Variants in INVS observed in about 807,000 individuals in gnomAD.
INVS encodes inversion of embryo turning homolog.
In INVS, 86 loss-of-function variants were observed where a neutral mutation model predicts 108.8. The observed-to-expected ratio is 0.79, with a 90% CI of 0.66 to 0.95. INVS has a LOEUF of 0.95. INVS is among the 40% of genes least tolerant of loss of function. The pLI is 0.00. For missense variants in INVS, 1,169 were observed against 1,297.4 expected (o/e 0.90, Z 1.52); for synonymous variants, 455 against 473.5 (o/e 0.96, Z 0.51).
intron 3 of INVS, among the ~76,000 whole-genome samples, chr9:100,200,026 G>T (rs931939761): frequency 1.3e-5 from 2 of 151,862 alleles, no homozygotes; most frequent in African/African-American, 4.8e-5. Context: ...TATTTCTGTT[G>T]ATCTAAACTG....
chr9:100,253,571 C>G (rs760798867), intron 10 of INVS, among the ~76,000 whole-genome samples: 8 of 152,106 alleles, frequency 5.3e-5, no homozygotes, highest in Non-Finnish European at 1.0e-4. Flanking sequence ...CTGCTTCCCC[C>G]ATCCCACACC....
chr9:100,259,347 A>C (rs1474773473), intron 10 of INVS, among the ~76,000 whole-genome samples: 1 of 151,920 alleles, frequency 6.6e-6, no homozygotes, highest in Non-Finnish European at 1.5e-5. Flanking sequence ...AGAAAAAGGG[A>C]ATTCCCCGAC....
chr9:100,134,454 A>G (rs1014266013), intron 3 of INVS, among the ~76,000 whole-genome samples: 3 of 152,202 alleles, frequency 2.0e-5, no homozygotes, highest in African/African-American at 4.8e-5. Context: ...CTCTGGGTAG[A>G]TACCGAGTAA....
intron 3 of INVS, among the ~76,000 whole-genome samples, chr9:100,132,257 GAATGAA>G (rs1431688815): frequency 1.0e-4 from 14 of 136,858 alleles, no homozygotes; most frequent in Admixed American, 3.5e-4. Context: ...ATGAATGAAT[GAATGAA>G]TCAGTAAATG....
intron 2 of INVS, chr9:100,117,277 G>T: frequency 1.4e-6 from 1 of 738,384 alleles, no homozygotes. Context: ...TGGTGCTCTG[G>T]CCAGCACGGG....
At chr9:100,297,230 G>C in intron 15 of INVS, 84 bp downstream of exon 15, 1 of 1,077,330 alleles carries the variant, frequency 9.3e-7, no homozygotes, top group Non-Finnish European at 1.4e-6. Flanking sequence ...TAATTACATT[G>C]GGTAAACTTC....
chr9:100,111,907 C>T (rs1827347508), intron 2 of INVS, among the ~76,000 whole-genome samples: 1 of 152,128 alleles, frequency 6.6e-6, no homozygotes, highest in South Asian at 2.1e-4. Context: ...CCACTGTCCC[C>T]CTAGAGCTAC....
intron 3 of INVS, among the ~76,000 whole-genome samples, chr9:100,146,401 C>T (rs918466797): frequency 5.3e-5 from 8 of 152,294 alleles, no homozygotes; most frequent in African/African-American, 7.2e-5. Flanking sequence ...AAGGCAAGAA[C>T]AGGCCATTTT....
At chr9:100,108,497 T>G (rs1827244829) in intron 2 of INVS, among the ~76,000 whole-genome samples, 1 of 152,248 alleles carries the variant, frequency 6.6e-6, no homozygotes, top group Admixed American at 6.5e-5. Context: ...ATGTAATTTT[T>G]TTTCTATGCA....
intron 14 of INVS, among the ~76,000 whole-genome samples, chr9:100,294,179 TA>T (rs1833717303): frequency 6.6e-6 from 1 of 151,552 alleles, no homozygotes; most frequent in South Asian, 2.1e-4. Flanking sequence ...AGAAAAGAAA[TA>T]GGTGGAAGTT....
chr9:100,200,136 A>G (rs76135416), intron 3 of INVS, among the ~76,000 whole-genome samples: 2,311 of 152,088 alleles, frequency 0.015, 47 homozygotes, highest in Non-Finnish European at 0.019. Context: ...GGAACTTCCA[A>G]TTGTTTCTTT....
At chr9:100,242,911 G>A (rs1177741093) in intron 7 of INVS, among the ~76,000 whole-genome samples, 1 of 152,060 alleles carries the variant, frequency 6.6e-6, no homozygotes, top group Non-Finnish European at 1.5e-5. Flanking sequence ...ACAGGAAATT[G>A]ACATTGATAC....
rs558315299 is a variant in INVS at position 100,208,440 on chromosome 9, A to G, written c.274-17622A>G. Among the ~76,000 whole-genome samples, 12 of 152,272 alleles carry G rather than the reference A, an allele frequency of 7.9e-5. No individual in the cohort carries two copies. In the South Asian group the frequency reaches 8.3e-4, roughly 11 times the overall value. On this transcript the variant is annotated intron_variant, in intron 3 of 16. Transcript: ENST00000262457. ...CGAATTTACTTACACATTTGTCTGT[A>G]TATTTGTCTTTTCCCACCATCTAAG...
chr9:100,165,672 A>G (rs1485835716), intron 3 of INVS, among the ~76,000 whole-genome samples: 1 of 152,116 alleles, frequency 6.6e-6, no homozygotes, highest in African/African-American at 2.4e-5. Flanking sequence ...TAACATATTT[A>G]CTATATCAAT....
chr9:100,137,432 C>A (rs1195729021), intron 3 of INVS, among the ~76,000 whole-genome samples: 1 of 152,024 alleles, frequency 6.6e-6, no homozygotes, highest in East Asian at 1.9e-4. Flanking sequence ...TTTTTCACTG[C>A]ATAACAAGGA....
chr9:100,253,230 T>G, intron 10 of INVS, 94 bp downstream of exon 10: 1 of 929,960 alleles, frequency 1.1e-6, no homozygotes, highest in Non-Finnish European at 1.7e-6. Flanking sequence ...GTTTACAAGA[T>G]GAAGAGATCA....
intron 3 of INVS, among the ~76,000 whole-genome samples, chr9:100,203,117 C>T (rs753638626): frequency 5.9e-5 from 9 of 152,198 alleles, no homozygotes; most frequent in Non-Finnish European, 1.2e-4. Context: ...GTCCAACATA[C>T]ATTTGATGTT....
intron 3 of INVS, among the ~76,000 whole-genome samples, chr9:100,136,772 G>T (rs1368623312): frequency 6.6e-6 from 1 of 152,182 alleles, no homozygotes; most frequent in Non-Finnish European, 1.5e-5. Context: ...GGGCACAGTA[G>T]CTCACGCGTG....
At chr9:100,268,771 T>C (rs1324104934) in intron 11 of INVS, among the ~76,000 whole-genome samples, 1 of 152,108 alleles carries the variant, frequency 6.6e-6, no homozygotes, top group Non-Finnish European at 1.5e-5. Context: ...AAAAGCAGCC[T>C]AAGAAGTCTA....
Sources: allele counts gnomAD v4.1 joint callset (sites outside exome capture counted in the v4.1 genomes callset), GRCh38; gene constraint gnomAD v4.1.1; transcripts MANE v1.5; gene names NCBI Gene and HGNC (gene_info 2026-07-23, HGNC 2026-07-21).